Variants in FGF14 observed in about 807,000 individuals in gnomAD.
The protein encoded by FGF14 is fibroblast growth factor homologous factor 4.
Under a neutral mutation model 25.5 loss-of-function variants are expected in FGF14, and 5 were observed. The ratio of observed to expected loss-of-function variants is 0.20; its 90% CI spans 0.10 to 0.41. The LOEUF is 0.41. Ranked by LOEUF, FGF14 falls within the 10% of genes least tolerant of loss-of-function variation. FGF14 has a pLI of 1.00. For synonymous variants in FGF14, 138 were observed against 118.3 expected (o/e 1.17, Z -1.08); for missense variants, 222 against 320.1 (o/e 0.69, Z 2.34).
intron 1 of FGF14, among the ~76,000 whole-genome samples, chr13:102,068,225 C>T (rs751734022): frequency 7.9e-5 from 12 of 152,198 alleles, no homozygotes; most frequent in Non-Finnish European, 1.8e-4. Flanking sequence ...AATAAACAAT[C>T]TCATAAACAA....
intron 1 of FGF14, among the ~76,000 whole-genome samples, chr13:102,213,649 T>C (rs940271088): frequency 4.6e-5 from 7 of 152,176 alleles, no homozygotes; most frequent in Non-Finnish European, 8.8e-5. Flanking sequence ...ATCAGGGAGA[T>C]GGCACTGATG....
At chr13:102,166,522 C>T (rs2048020038) in intron 1 of FGF14, among the ~76,000 whole-genome samples, 1 of 151,998 alleles carries the variant, frequency 6.6e-6, no homozygotes, top group South Asian at 2.1e-4. Context: ...CACAAGTGTC[C>T]TTTTTGAGTT....
chr13:102,165,230 G>A (rs1246829412), intron 1 of FGF14, among the ~76,000 whole-genome samples: 1 of 152,062 alleles, frequency 6.6e-6, no homozygotes, highest in Admixed American at 6.6e-5. Flanking sequence ...CTGTAAACTA[G>A]TTCAACCATT....
intron 1 of FGF14, among the ~76,000 whole-genome samples, chr13:102,140,054 C>CG (rs1413558049): frequency 1.0e-4 from 15 of 145,796 alleles, no homozygotes; most frequent in Admixed American, 2.7e-4. Context: ...CCCCCCCCCC[C>CG]CCTTACAGCA....
chr13:101,980,874 A>G (rs2038205851), intron 1 of FGF14, among the ~76,000 whole-genome samples: 1 of 152,140 alleles, frequency 6.6e-6, no homozygotes, highest in African/African-American at 2.4e-5. Context: ...CAAATCACCA[A>G]TGTGATAGTA....
At chr13:102,006,208 T>C (rs1334463643) in intron 1 of FGF14, among the ~76,000 whole-genome samples, 1 of 152,260 alleles carries the variant, frequency 6.6e-6, no homozygotes, top group Admixed American at 6.5e-5. Context: ...GAACTCATTA[T>C]ATTTGCAACT....
chr13:102,239,429 T>G (rs921036307), intron 1 of FGF14, among the ~76,000 whole-genome samples: 5 of 152,190 alleles, frequency 3.3e-5, no homozygotes, highest in African/African-American at 1.2e-4. Flanking sequence ...TACTTCTGGG[T>G]TGGGCATTCC....
intron 1 of FGF14, among the ~76,000 whole-genome samples, chr13:102,354,668 G>A (rs1048326682): frequency 3.3e-5 from 5 of 152,158 alleles, no homozygotes; most frequent in African/African-American, 1.2e-4. Flanking sequence ...TTTATCTCCT[G>A]AGGCTGTGTC....
intron 1 of FGF14, chr13:102,002,360 G>C (rs2039544509): frequency 6.6e-6 from 1 of 152,646 alleles, no homozygotes; most frequent in Non-Finnish European, 1.5e-5. Flanking sequence ...ATAAATGATA[G>C]GCACCACAGT....
intron 3 of FGF14, among the ~76,000 whole-genome samples, chr13:101,859,860 T>A (rs1045554965): frequency 6.6e-6 from 1 of 152,082 alleles, no homozygotes; most frequent in African/African-American, 2.4e-5. Context: ...TGTCTGGAAA[T>A]CTCTGCTTAG....
At chr13:101,843,313 G>A (rs187524455) in intron 3 of FGF14, among the ~76,000 whole-genome samples, 4 of 152,052 alleles carry the variant, frequency 2.6e-5, no homozygotes, top group East Asian at 1.9e-4. Flanking sequence ...GGGGCGATGT[G>A]TATTACAATT....
chr13:101,910,001 C>A (rs752059290), intron 1 of FGF14, among the ~76,000 whole-genome samples: 3 of 151,896 alleles, frequency 2.0e-5, no homozygotes, highest in East Asian at 3.9e-4. Context: ...GACAAAAAAA[C>A]CAAACACCGC....
chr13:102,017,927 C>G (rs758908632), intron 1 of FGF14, among the ~76,000 whole-genome samples: 2 of 152,026 alleles, frequency 1.3e-5, no homozygotes, highest in Admixed American at 6.6e-5. Flanking sequence ...TTTTTAATTT[C>G]CAACACTCCT....
chr13:102,139,266 A>T (rs2046536238), intron 1 of FGF14, among the ~76,000 whole-genome samples: 1 of 152,020 alleles, frequency 6.6e-6, no homozygotes, highest in Admixed American at 6.6e-5. Flanking sequence ...CAGGCGTGGT[A>T]GCACGTGCCT....
At chr13:101,827,632 G>A (rs1369389025) in intron 3 of FGF14, among the ~76,000 whole-genome samples, 4 of 151,744 alleles carry the variant, frequency 2.6e-5, no homozygotes, top group Non-Finnish European at 5.9e-5. Flanking sequence ...TTATTATAAA[G>A]AAATATTTGA....
chr13:101,989,605 CAT>C (rs2038786083), intron 1 of FGF14, among the ~76,000 whole-genome samples: 1 of 152,018 alleles, frequency 6.6e-6, no homozygotes, highest in Non-Finnish European at 1.5e-5. Flanking sequence ...TAGAGCCATG[CAT>C]ATATGTTTTT....
chr13:101,925,322 A>C (rs2034290009), intron 1 of FGF14, among the ~76,000 whole-genome samples: 1 of 152,220 alleles, frequency 6.6e-6, no homozygotes, highest in Admixed American at 6.5e-5. Context: ...AGTGCATCAA[A>C]GACCATACAC....
At chr13:102,214,117 A>G (rs1306151606) in intron 1 of FGF14, among the ~76,000 whole-genome samples, 1 of 152,154 alleles carries the variant, frequency 6.6e-6, no homozygotes, top group Non-Finnish European at 1.5e-5. Context: ...CTTTTCCTTT[A>G]CTGTCTTGAG....
intron 3 of FGF14, among the ~76,000 whole-genome samples, chr13:101,860,470 A>G (rs2044357615): frequency 6.6e-6 from 1 of 152,100 alleles, no homozygotes; most frequent in Admixed American, 6.6e-5. Context: ...ACAATAATCA[A>G]TGGTAGATAT....
Sources: allele counts gnomAD v4.1 joint callset (sites outside exome capture counted in the v4.1 genomes callset), GRCh38; gene constraint gnomAD v4.1.1; transcripts MANE v1.5; gene names NCBI Gene and HGNC (gene_info 2026-07-23, HGNC 2026-07-21).